The following TXK variants were observed in gnomAD, a reference collection of about 807,000 sequenced individuals.
TXK encodes TXK tyrosine kinase, also known as tyrosine-protein kinase TXK.
Under a neutral mutation model 81.0 loss-of-function variants are expected in TXK, and 60 were observed. That is an observed-to-expected ratio of 0.74 (90% CI 0.60 to 0.92). The LOEUF (loss-of-function observed/expected upper bound fraction) is 0.92. TXK is among the 40% of genes least tolerant of loss of function. TXK has a pLI of 0.00. For missense variants in TXK, 581 were observed against 638.3 expected (o/e 0.91, Z 0.97); for synonymous variants, 203 against 210.7 (o/e 0.96, Z 0.32).
rs57715867 is a variant in TXK at position 48,107,899 on chromosome 4, TAAAAAAAAAAAAAA to T, written c.446+2625_446+2638del. Among the ~76,000 whole-genome samples, 151 of 128,766 alleles carry T rather than the reference TAAAAAAAAAAAAAA, an allele frequency of 1.2e-3. 1 individual carries two copies. Among genetic ancestry groups the T allele is most frequent in the South Asian group, 2.4e-3 (10 of 4,132 alleles). 84.5% of individuals were successfully genotyped at this position (128,766 alleles called of 152,430 possible). A position where few individuals can be genotyped will look rare whatever the true frequency, so the allele number is the denominator to read the frequency against. On this transcript the variant is annotated intron_variant, in intron 5 of 14. Transcript: ENST00000264316. ...AACACCGTGAAACTCTGTCTCTACT[TAAAAAAAAAAAAAA>T]AAAAAAAAAAAACCGGGCGTGGTGG...
intron 6 of TXK, among the ~76,000 whole-genome samples, chr4:48,097,291 T>C (rs1244656981): frequency 6.6e-6 from 1 of 152,066 alleles, no homozygotes; most frequent in East Asian, 1.9e-4. Flanking sequence ...ATACAATAAA[T>C]TTGGAAACTC....
Position 48,112,506 on chromosome 4 carries a change from T to C in TXK, c.181A>G (p.Thr61Ala), listed in dbSNP as rs1718668073. 6.2e-7 allele frequency: 1 copy of C among 1,609,368 alleles called. No individual in the cohort carries two copies. Among genetic ancestry groups the C allele is most frequent in the South Asian group, 1.1e-5 (1 of 90,590 alleles). Residue 61 changes from threonine to alanine, a missense_variant, in exon 4 of 15, where the codon ACG (threonine) becomes GCG (alanine). Thr to Ala is a moderately conservative substitution (Grantham distance 58). Transcript: ENST00000264316. ...CGTTTTGACGGCTGCACACGGCCCG[T>C]GTTGGACTGTGAAAACCAATAAGTG... ...SQLSNKKQSN[T>A]GRVQPSKRKP...
chr4:48,090,803 T>C (rs1460322987), intron 8 of TXK, among the ~76,000 whole-genome samples: 1 of 152,166 alleles, frequency 6.6e-6, no homozygotes, highest in Non-Finnish European at 1.5e-5. Context: ...CCGGATAACA[T>C]ATAATTACTT....
At chr4:48,071,770 C>T in intron 13 of TXK, 96 bp from the exon 14 acceptor site, 2 of 1,425,442 alleles carry the variant, frequency 1.4e-6, no homozygotes, top group Non-Finnish European at 1.9e-6. Flanking sequence ...TATTTTTGTG[C>T]TCCAGGCTTT....
chr4:48,116,945 C>T (rs1258249167), intron 1 of TXK, among the ~76,000 whole-genome samples: 2 of 152,072 alleles, frequency 1.3e-5, no homozygotes, highest in African/African-American at 4.8e-5. Flanking sequence ...TGCAGTGGTG[C>T]TATCTTGGTT....
At chr4:48,081,989 C>T (rs577493543) in intron 10 of TXK, among the ~76,000 whole-genome samples, 35 of 152,294 alleles carry the variant, frequency 2.3e-4, no homozygotes, top group South Asian at 1.2e-3. Flanking sequence ...AAAATGTATC[C>T]TGAAACAATT....
chr4:48,067,567 T>C lies in TXK; in HGVS notation c.*70A>G, dbSNP rs1577640418. The C allele has an allele frequency of 2.0e-6, 3 of 1,470,238 alleles. No homozygotes were observed. The highest frequency in any genetic ancestry group is 1.7e-5 in the Admixed American group (1 of 59,540). The allele number at this position is 1,470,238 out of a possible 1,614,324, so 91.1% of individuals were successfully genotyped here. On this transcript the variant is annotated 3_prime_UTR_variant, in exon 15 of 15. Coordinates refer to ENST00000264316, the MANE Select transcript of TXK (RefSeq NM_003328.3). ...AAGATATTCACCATAAGTGACCCCA[T>C]ATGGTGAAGATATTCACAATAAATG... is the stretch of plus-strand genomic sequence containing the variant.
Position 48,080,062 on chromosome 4 carries a change from A to C in TXK, c.1023T>G (p.Ile341Met). The C allele has an allele frequency of 6.2e-7, 1 of 1,614,038 alleles. No individual in the cohort carries two copies. Among genetic ancestry groups the C allele is most frequent in the Non-Finnish European group, 8.5e-7 (1 of 1,179,978 alleles). The stretch of plus-strand genomic sequence containing the variant: ...AGCCATTTTCCATGAACTCTGTCAC[A>C]ATGTAAAGGGGCTTCCGCTGTATAC... ...GVCIQRKPLY[I>M]VTEFMENGCL... Residue 341 changes from isoleucine (I) to methionine (M), a missense_variant, in exon 11 of 15, where the codon ATT becomes ATG. Transcript: ENST00000264316.
intron 8 of TXK, among the ~76,000 whole-genome samples, chr4:48,093,367 A>C (rs1405137223): frequency 6.6e-6 from 1 of 152,268 alleles, no homozygotes; most frequent in Admixed American, 6.5e-5. Flanking sequence ...ATGAAAAGTT[A>C]CCGTGGATTC....
At chr4:48,080,418 TC>T (rs1717255366) in intron 10 of TXK, among the ~76,000 whole-genome samples, 1 of 152,170 alleles carries the variant, frequency 6.6e-6, no homozygotes, top group Non-Finnish European at 1.5e-5. Context: ...TCCTTTTGTT[TC>T]TTCATCACTG....
rs144743902 is a variant in TXK at position 48,069,616 on chromosome 4, A to T, written c.1515+1901T>A. 3.2e-3 allele frequency among the ~76,000 whole-genome samples: 488 copies of T among 152,210 alleles called. 5 individuals carry two copies. The highest frequency in any genetic ancestry group is 0.022 in the South Asian group (107 of 4,824). ...GCTGGGATTACAAGCATGAGCCACC[A>T]CACCCGGCCAAATCAACTTTTTCAA... is the stretch of plus-strand genomic sequence containing the variant. On this transcript the variant is annotated intron_variant, in intron 14 of 14. Coordinates refer to ENST00000264316, the MANE Select transcript of TXK (RefSeq NM_003328.3).
rs535849399 is a variant in TXK at position 48,107,392 on chromosome 4, C to G, written c.447-2437G>C. On this transcript the variant is annotated intron_variant, in intron 5 of 14. Coordinates refer to ENST00000264316, the MANE Select transcript of TXK (RefSeq NM_003328.3). ...CCTTCCACCATACCCCACCCTCCCC[C>G]CAAAACACACACTACCTGCTACCAC... 6.9e-4 allele frequency among the ~76,000 whole-genome samples: 105 copies of G among 151,756 alleles called. 1 individual carries two copies. In the South Asian group the frequency reaches 0.012, roughly 17 times the overall value.
At chr4:48,121,038 C>T (rs1421889147) in intron 1 of TXK, among the ~76,000 whole-genome samples, 1 of 152,176 alleles carries the variant, frequency 6.6e-6, no homozygotes, top group Non-Finnish European at 1.5e-5. Context: ...TGTTCTCTAC[C>T]TCCCTGACCT....
intron 6 of TXK, among the ~76,000 whole-genome samples, chr4:48,102,753 A>T (rs1362736389): frequency 6.6e-6 from 1 of 152,202 alleles, no homozygotes; most frequent in Admixed American, 6.5e-5. Flanking sequence ...AGTCATATGA[A>T]ATATGCTAAT....
intron 1 of TXK, among the ~76,000 whole-genome samples, chr4:48,117,975 T>A (rs983346914): frequency 6.6e-6 from 1 of 152,200 alleles, no homozygotes; most frequent in South Asian, 2.1e-4. Flanking sequence ...GGTCATCTTG[T>A]CAATCTCTGG....
chr4:48,067,585 A>G lies in TXK; in HGVS notation c.*52T>C. On this transcript the variant is annotated 3_prime_UTR_variant, in exon 15 of 15. Coordinates refer to ENST00000264316, the MANE Select transcript of TXK (RefSeq NM_003328.3). ...GACCCCATATGGTGAAGATATTCACAATAAATGACAGTTTTGCAAGATGAC... is the reference window on the plus strand; with the variant it reads ...GACCCCATATGGTGAAGATATTCACGATAAATGACAGTTTTGCAAGATGAC... 1.3e-6 allele frequency: 2 copies of G among 1,564,050 alleles called. No homozygotes were observed. Among genetic ancestry groups the G allele is most frequent in the Non-Finnish European group, 1.8e-6 (2 of 1,134,202 alleles).
intron 5 of TXK, chr4:48,106,266 T>C (rs1718455093): frequency 6.6e-6 from 1 of 152,226 alleles, no homozygotes; most frequent in Non-Finnish European, 1.5e-5. Flanking sequence ...ATTCAAGATC[T>C]TTTAAAATAA....
intron 1 of TXK, among the ~76,000 whole-genome samples, chr4:48,128,551 C>T (rs1163352972): frequency 6.7e-6 from 1 of 149,418 alleles, no homozygotes; most frequent in Non-Finnish European, 1.5e-5. Flanking sequence ...TAAATGCCCA[C>T]CACTACATCC....
rs1417977482 is a variant in TXK at position 48,067,470 on chromosome 4, T to C, written c.*167A>G. The C allele has an allele frequency of 1.9e-5, 13 of 676,078 alleles. No individual in the cohort carries two copies. In the Admixed American group the frequency reaches 2.0e-4, roughly 10 times the overall value. The allele number at this position is 676,078 out of a possible 1,614,324, so 41.9% of individuals were successfully genotyped here. A position where few individuals can be genotyped will look rare whatever the true frequency, so the allele number is the denominator to read the frequency against. The stretch of plus-strand genomic sequence containing the variant: ...ACACATAGAAAAACGATTGTGTGAA[T>C]ATTCTTAAATTTTTAAAACTTTTAA... On this transcript the variant is annotated 3_prime_UTR_variant, in exon 15 of 15. Coordinates refer to ENST00000264316, the MANE Select transcript of TXK (RefSeq NM_003328.3).
Sources: gnomAD v4.1 joint callset for allele counts (sites outside exome capture counted in the v4.1 genomes callset) on GRCh38, gnomAD v4.1.1 for gene constraint, MANE v1.5 for transcripts, NCBI Gene and HGNC (gene_info 2026-07-23, HGNC 2026-07-21) for gene names.